The following ITIH3 variants were observed in gnomAD, a reference collection of about 807,000 sequenced individuals.
ITIH3 encodes the protein inter-alpha-trypsin inhibitor heavy chain 3, also known as inter-alpha-trypsin inhibitor heavy chain H3.
A neutral mutation model predicts 96.5 loss-of-function variants in ITIH3; 81 were observed. The ratio of observed to expected loss-of-function variants is 0.84; its 90% CI spans 0.70 to 1.01. The LOEUF is 1.01. Ranked by LOEUF, ITIH3 falls within the 50% of genes least tolerant of loss-of-function variation. The pLI, the probability that ITIH3 is intolerant of heterozygous loss-of-function variation, is 0.00. For synonymous variants in ITIH3, 422 were observed against 445.2 expected (o/e 0.95, Z 0.66); for missense variants, 1,057 against 1,139.3 (o/e 0.93, Z 1.04).
intron 15 of ITIH3, chr3:52,805,386 T>C (rs1699997345): frequency 9.7e-7 from 1 of 1,035,702 alleles, no homozygotes; most frequent in East Asian, 9.1e-5. Context: ...AGTACATATA[T>C]GCATGTGCAC....
intron 4 of ITIH3, 32 bp from the exon 5 acceptor site, chr3:52,797,073 T>C: frequency 6.3e-7 from 1 of 1,598,330 alleles, no homozygotes; most frequent in African/African-American, 1.3e-5. Context: ...CCTGCAGTCT[T>C]TGAGGGAGTC....
At chr3:52,801,575 G>T (rs1699831383) in intron 11 of ITIH3, among the ~76,000 whole-genome samples, 1 of 152,042 alleles carries the variant, frequency 6.6e-6, no homozygotes, top group Non-Finnish European at 1.5e-5. Flanking sequence ...GGGCTATGAG[G>T]GCAGATCTTT....
chr3:52,805,679 C>G (rs1264736306), intron 15 of ITIH3, 129 bp from the exon 16 acceptor site: 1 of 1,527,858 alleles, frequency 6.5e-7, no homozygotes, highest in African/African-American at 1.4e-5. Flanking sequence ...TTTGTAGTCA[C>G]ATCTCCACCT....
intron 5 of ITIH3, 104 bp downstream of exon 5, chr3:52,797,371 G>A (rs184654284): frequency 4.8e-5 from 57 of 1,191,322 alleles, no homozygotes; most frequent in Non-Finnish European, 6.0e-5. Flanking sequence ...TCTGCCTCAC[G>A]GCATCCCCCA....
intron 9 of ITIH3, 182 bp from the exon 10 acceptor site, chr3:52,800,356 T>G: frequency 1.6e-6 from 1 of 629,182 alleles, no homozygotes; most frequent in Non-Finnish European, 2.7e-6. Flanking sequence ...AAAGTGGAAG[T>G]TGTTTGTTTG....
intron 14 of ITIH3, 57 bp from the exon 15 acceptor site, chr3:52,804,669 C>T: frequency 6.4e-7 from 1 of 1,557,386 alleles, no homozygotes; most frequent in Non-Finnish European, 8.7e-7. Context: ...TCCCTGCTCA[C>T]AAGTGCCCTA....
In ITIH3 at chr3:52,807,807, C is replaced by T. The variant is rs755872688; in HGVS notation, c.2322C>T (p.Phe774=). 7.4e-6 allele frequency: 12 copies of T among 1,612,222 alleles called. No individual in the cohort carries two copies. Among genetic ancestry groups the T allele is most frequent in the South Asian group, 1.1e-5 (1 of 90,516 alleles). The change falls in exon 20 of 22, where the codon TTC becomes TTT. Residue 774 remains phenylalanine (F), a synonymous_variant. Transcript: ENST00000449956. ...MVVSFGDGVT[F]VVVLHQVWKK... ...TCTCCTTTGGAGATGGGGTTACCTTCGTGGTCGTCCTACACCAGGTGTGGA... is the reference window on the plus strand; with the variant it reads ...TCTCCTTTGGAGATGGGGTTACCTTTGTGGTCGTCCTACACCAGGTGTGGA...
At chr3:52,808,243 C>A in intron 21 of ITIH3, 22 bp downstream of exon 21, 1 of 1,574,882 alleles carries the variant, frequency 6.3e-7, no homozygotes, top group South Asian at 1.1e-5. Context: ...TCTCCCACAC[C>A]CTCACCTGCT....
At chr3:52,797,343 G>T in intron 5 of ITIH3, 76 bp downstream of exon 5, 1 of 1,464,532 alleles carries the variant, frequency 6.8e-7, no homozygotes, top group Non-Finnish European at 9.2e-7. Context: ...GTCTCAGACA[G>T]GGGTCAAAAA....
chr3:52,807,170 G>A (rs1312079801), intron 19 of ITIH3, 65 bp downstream of exon 19: 1 of 1,398,110 alleles, frequency 7.2e-7, no homozygotes, highest in African/African-American at 1.4e-5. Context: ...GCTCTTGAGG[G>A]ATTTAGAAAA....
chr3:52,800,630 G>A lies in ITIH3; in HGVS notation c.1168G>A (p.Val390Ile), dbSNP rs777717653. Residue 390 changes from valine to isoleucine, a missense_variant, in exon 10 of 22, where the codon GTC (valine) becomes ATC (isoleucine). Physicochemically the swap from Val to Ile is conservative, Grantham distance 29. Coordinates refer to ENST00000449956, the MANE Select transcript of ITIH3 (RefSeq NM_002217.4). The part of the protein sequence containing the change: ...HRIPERSTSI[V>I]IMLTDGDANV... ...AATCCCAGAGAGGAGCACCTCCATT[G>A]TCATCATGCTGACTGATGGGGATGC... The A allele has an allele frequency of 6.3e-7, 1 of 1,591,626 alleles. No homozygotes were observed.
chr3:52,801,226 A>G, intron 11 of ITIH3, 80 bp downstream of exon 11: 1 of 1,273,096 alleles, frequency 7.9e-7, no homozygotes, highest in South Asian at 1.6e-5. Context: ...TGACAGTTCT[A>G]GTTATTAGGA....
Position 52,808,739 on chromosome 3 carries a change from TGGGCACAGAGAG to T in ITIH3, c.*63_*74del. The T allele has an allele frequency of 6.3e-7, 1 of 1,583,700 alleles. No individual in the cohort carries two copies. Among genetic ancestry groups the T allele is most frequent in the South Asian group, 1.1e-5 (1 of 89,676 alleles). On this transcript the variant is annotated 3_prime_UTR_variant, in exon 22 of 22. Transcript: ENST00000449956. ...CCCGGATTTTATGGCATCTGGAACA[TGGGCACAGAGAG>T]GGGCCTGTGGGAGGGGCTGGGAAAA...
chr3:52,796,451 C>G, intron 2 of ITIH3, 30 bp from the exon 3 acceptor site: 1 of 1,600,872 alleles, frequency 6.2e-7, no homozygotes, highest in East Asian at 2.2e-5. Context: ...GTGTCCCAGT[C>G]TGGCTGATTC....
In ITIH3 at chr3:52,796,567, C is replaced by T. The variant is rs373604977; in HGVS notation, c.201C>T (p.Ala67=). 5.8e-5 allele frequency: 94 copies of T among 1,613,484 alleles called. No homozygotes were observed. Among genetic ancestry groups the T allele is most frequent in the Non-Finnish European group, 7.3e-5 (86 of 1,179,742 alleles). The stretch of plus-strand genomic sequence containing the variant: ...CTCACAATGTTGTCACCATGAGAGC[C>T]GTCAACCGTGCAGACACGGCCAAGG... The part of the protein sequence containing the change: ...RFAHNVVTMR[A]VNRADTAKEV... The change falls in exon 3 of 22, where the codon GCC becomes GCT. Residue 67 remains alanine, a synonymous_variant. Coordinates refer to ENST00000449956, the MANE Select transcript of ITIH3 (RefSeq NM_002217.4).
At position 52,799,925 on chromosome 3, in the gene ITIH3, A is replaced by C. The variant is rs759641836; in HGVS notation, c.1075+4A>C. On this transcript the variant is annotated splice_donor_region_variant and intron_variant, in intron 9 of 21. Coordinates refer to ENST00000449956, the MANE Select transcript of ITIH3 (RefSeq NM_002217.4). ...AAGAGCATGGAGGATAAAGGAAGTA[A>C]GAGCGGAGCTGGAGCCCACACACCT... 2 of 1,612,748 alleles carry C rather than the reference A, an allele frequency of 1.2e-6. No individual in the cohort carries two copies. The highest frequency in any genetic ancestry group is 8.5e-7 in the Non-Finnish European group (1 of 1,179,302).
chr3:52,803,877 A>G lies in ITIH3; in HGVS notation c.1732A>G (p.Lys578Glu). The change falls in exon 14 of 22, where the codon AAG (lysine) becomes GAG (glutamate). Residue 578 changes from lysine to glutamate, a missense_variant. By Grantham distance (56) the Lys-to-Glu change is moderately conservative (BLOSUM62 1). Coordinates refer to ENST00000449956, the MANE Select transcript of ITIH3 (RefSeq NM_002217.4). ...EKRKNAHGEEKENLTARALDL... is the reference protein window; with the variant it reads ...EKRKNAHGEEEENLTARALDL... Reference sequence around the variant, plus strand: ...CAGCAAGAACGCCCATGGCGAGGAGAAGGAGAACCTCACGGCCCGGGCCCT... The same window carrying G: ...CAGCAAGAACGCCCATGGCGAGGAGGAGGAGAACCTCACGGCCCGGGCCCT... 6.2e-7 allele frequency: 1 copy of G among 1,613,944 alleles called. No homozygotes were observed. Among genetic ancestry groups the G allele is most frequent in the Non-Finnish European group, 8.5e-7 (1 of 1,179,872 alleles).
chr3:52,796,408 G>A, intron 2 of ITIH3, 73 bp from the exon 3 acceptor site: 4 of 1,380,746 alleles, frequency 2.9e-6, no homozygotes, highest in East Asian at 2.4e-5. Context: ...GGGTTTGCAA[G>A]GGAGGTGGCT....
chr3:52,800,351 G>T, intron 9 of ITIH3, 187 bp from the exon 10 acceptor site: 2 of 644,684 alleles, frequency 3.1e-6, no homozygotes, highest in East Asian at 5.6e-5. Context: ...ATTTGAAAGT[G>T]GAAGTTGTTT....
Sources: allele counts gnomAD v4.1 joint callset (sites outside exome capture counted in the v4.1 genomes callset), GRCh38; gene constraint gnomAD v4.1.1; transcripts MANE v1.5; gene names NCBI Gene and HGNC (gene_info 2026-07-23, HGNC 2026-07-21).